CCDC91: variants seen among roughly 807,000 people sequenced by gnomAD.
CCDC91 encodes the protein coiled-coil domain containing 91.
CCDC91 carries 48 observed loss-of-function variants against 63.2 expected under a neutral mutation model. That is an observed-to-expected ratio of 0.76 (90% confidence interval 0.60 to 0.97). CCDC91 has a LOEUF of 0.97. Among genes scored for constraint, CCDC91 ranks in the 50% least tolerant of loss-of-function variants. The probability of loss-of-function intolerance (pLI) is 0.00; values close to 1 mark genes in which losing one functional copy is unlikely to be tolerated. For synonymous variants in CCDC91, 167 were observed against 165.8 expected (o/e 1.01, Z -0.06); for missense variants, 500 against 494.6 (o/e 1.01, Z -0.10).
rs532966017 is a variant in CCDC91, at chr12:28,496,058, G to A, written c.1215+11893G>A. On this transcript the variant is annotated intron_variant, in intron 12 of 12. Transcript: ENST00000536442. The stretch of plus-strand genomic sequence containing the variant: ...TAGAACCAATTTACATATCAACCAG[G>A]GTTCTTCTTTTAAATAACAGAAGCT... 2.6e-5 allele frequency among the ~76,000 whole-genome samples: 4 copies of A among 151,652 alleles called. No individual in the cohort carries two copies. In the South Asian group the frequency reaches 8.3e-4, roughly 32 times the overall value.
chr12:28,220,569 GT>G (rs1943870070), intron 1 of CCDC91, among the ~76,000 whole-genome samples: 1 of 150,940 alleles, frequency 6.6e-6, no homozygotes, highest in Admixed American at 6.6e-5. Context: ...ATTTCAATCT[GT>G]TTTTGTCTTT....
At chr12:28,446,733 G>A (rs1393212387) in intron 8 of CCDC91, among the ~76,000 whole-genome samples, 3 of 152,058 alleles carry the variant, frequency 2.0e-5, no homozygotes, top group Non-Finnish European at 4.4e-5. Context: ...CCAAAGTGCT[G>A]GGTTTACATA....
intron 6 of CCDC91, among the ~76,000 whole-genome samples, chr12:28,326,384 T>G (rs550669429): frequency 2.9e-5 from 2 of 68,744 alleles, no homozygotes; most frequent in African/African-American, 7.4e-5. Context: ...TTTTTTATGT[T>G]AGAATTGTTT....
chr12:28,509,978 A>G (rs1198115221), intron 12 of CCDC91, among the ~76,000 whole-genome samples: 3 of 151,918 alleles, frequency 2.0e-5, no homozygotes, highest in African/African-American at 7.2e-5. Context: ...ATCAGTTATC[A>G]TCCTTGAACT....
intron 8 of CCDC91, among the ~76,000 whole-genome samples, chr12:28,428,677 A>G (rs1948468585): frequency 6.6e-6 from 1 of 150,918 alleles, no homozygotes; most frequent in Non-Finnish European, 1.5e-5. Context: ...TTAATTTTCT[A>G]CATTTTTTCT....
chr12:28,428,573 C>CAAAAAA (rs1438921507), intron 8 of CCDC91, among the ~76,000 whole-genome samples: 55 of 65,246 alleles, frequency 8.4e-4, no homozygotes, highest in African/African-American at 3.5e-3. Flanking sequence ...CCGTCTCTCC[C>CAAAAAA]CAAAAAAAAA....
At chr12:28,202,275 C>T (rs1305024514) in intron 1 of CCDC91, among the ~76,000 whole-genome samples, 1 of 152,134 alleles carries the variant, frequency 6.6e-6, no homozygotes, top group African/African-American at 2.4e-5. Flanking sequence ...TCCTTAGGGA[C>T]AATTAACTGC....
intron 11 of CCDC91, among the ~76,000 whole-genome samples, chr12:28,467,630 C>T (rs1950609331): frequency 1.3e-5 from 2 of 152,030 alleles, no homozygotes; most frequent in South Asian, 4.1e-4. Flanking sequence ...ATTTAGAGAG[C>T]ATTTTATTCA....
intron 11 of CCDC91, among the ~76,000 whole-genome samples, chr12:28,457,289 G>A (rs942755547): frequency 6.6e-6 from 1 of 151,862 alleles, no homozygotes; most frequent in Non-Finnish European, 1.5e-5. Context: ...CCTACAAACT[G>A]TTTTGAGTAT....
At chr12:28,304,589 G>T in intron 3 of CCDC91, 1 of 854,030 alleles carries the variant, frequency 1.2e-6, no homozygotes, top group African/African-American at 1.8e-5. Context: ...TTGTTATTTT[G>T]TTTATATCTA....
chr12:28,522,182 G>A (rs572285889), intron 12 of CCDC91, among the ~76,000 whole-genome samples: 20 of 152,132 alleles, frequency 1.3e-4, no homozygotes, highest in Non-Finnish European at 2.1e-4. Flanking sequence ...GTAGAATTCG[G>A]CTGTGAATCC....
intron 6 of CCDC91, among the ~76,000 whole-genome samples, chr12:28,309,818 T>G (rs1267598434): frequency 6.6e-6 from 1 of 152,074 alleles, no homozygotes; most frequent in Non-Finnish European, 1.5e-5. Flanking sequence ...ATGCTACTCT[T>G]GTGGAGGCTT....
intron 11 of CCDC91, among the ~76,000 whole-genome samples, chr12:28,452,910 A>G (rs1247515805): frequency 1.3e-5 from 2 of 151,898 alleles, no homozygotes; most frequent in East Asian, 3.8e-4. Flanking sequence ...AAAGGTCAAA[A>G]CAAAATTTAT....
chr12:28,237,356 G>A (rs1778663270), intron 1 of CCDC91, among the ~76,000 whole-genome samples: 1 of 151,760 alleles, frequency 6.6e-6, no homozygotes, highest in African/African-American at 2.4e-5. Flanking sequence ...TGTGGAAAAG[G>A]GTTTTTGAAG....
chr12:28,520,343 G>C (rs939177117), intron 12 of CCDC91, among the ~76,000 whole-genome samples: 1 of 152,120 alleles, frequency 6.6e-6, no homozygotes, highest in Admixed American at 6.5e-5. Context: ...ATTTTTTCAT[G>C]TGCCTGTTGG....
At chr12:28,528,407 T>C (rs554007551) in intron 12 of CCDC91, among the ~76,000 whole-genome samples, 1 of 152,232 alleles carries the variant, frequency 6.6e-6, no homozygotes, top group East Asian at 1.9e-4. Context: ...GGTTCCCCAG[T>C]GTGGGGGTGT....
At chr12:28,532,675 C>T (rs1437361693) in intron 12 of CCDC91, among the ~76,000 whole-genome samples, 1 of 151,918 alleles carries the variant, frequency 6.6e-6, no homozygotes, top group Non-Finnish European at 1.5e-5. Flanking sequence ...ATTATGTCAA[C>T]AAGCATAGTA....
chr12:28,199,489 T>C (rs1415193699), intron 1 of CCDC91, among the ~76,000 whole-genome samples: 1 of 152,190 alleles, frequency 6.6e-6, no homozygotes, highest in African/African-American at 2.4e-5. Context: ...CAACCAAACA[T>C]ACATTTATAT....
chr12:28,277,995 G>T (rs758498108), intron 3 of CCDC91, among the ~76,000 whole-genome samples: 6 of 151,816 alleles, frequency 4.0e-5, no homozygotes, highest in African/African-American at 7.3e-5. Context: ...CCTACTTCTG[G>T]TTCTTTGTTC....
Sources: allele counts gnomAD v4.1 joint callset (sites outside exome capture counted in the v4.1 genomes callset), GRCh38; gene constraint gnomAD v4.1.1; transcripts MANE v1.5; gene names NCBI Gene and HGNC (gene_info 2026-07-23, HGNC 2026-07-21).